ARID5B: variants seen among roughly 807,000 people sequenced by gnomAD.
ARID5B encodes the protein AT-rich interaction domain 5B.
ARID5B carries 13 observed loss-of-function variants against 97.2 expected under a neutral mutation model. That is an observed-to-expected ratio of 0.13 (90% CI 0.09 to 0.21). ARID5B has a LOEUF of 0.21. Among genes scored for constraint, ARID5B ranks in the 10% least tolerant of loss-of-function variants. ARID5B has a pLI of 1.00. For missense variants in ARID5B, 1,210 were observed against 1,465.3 expected (o/e 0.83, Z 2.84); for synonymous variants, 556 against 570.3 (o/e 0.97, Z 0.36).
chr10:62,000,328 C>CT lies in ARID5B; in HGVS notation c.733+20dup, dbSNP rs76962724. The CT allele has an allele frequency of 0.041, 51,989 of 1,264,600 alleles. 148 individuals are homozygous for CT. Among genetic ancestry groups the CT allele is most frequent in the African/African-American group, 0.1 (6,610 of 65,496 alleles). 78.3% of individuals were successfully genotyped at this position (1,264,600 alleles called of 1,614,324 possible). ...AGTATATGCGATGAGTTTGGTGAGT[C>CT]TTTTTTTTTTTTTCCTACCTGATTC... On this transcript the variant is annotated splice_region_variant and intron_variant, in intron 4 of 9. Transcript: ENST00000279873. The surrounding 1 kb of genome is among the most constrained non-coding windows in gnomAD (Gnocchi z 4.4).
At chr10:61,954,287 G>A (rs1187906589) in intron 3 of ARID5B, among the ~76,000 whole-genome samples, 1 of 152,078 alleles carries the variant, frequency 6.6e-6, no homozygotes. Context: ...AACCTGGGGG[G>A]TGGGGGTTGC....
Position 61,990,021 on chromosome 10 carries a change from T to C in ARID5B, c.503-10070T>C, listed in dbSNP as rs995134068. On this transcript the variant is annotated intron_variant, in intron 3 of 9. Transcript: ENST00000279873. ...ATGCATTAGGGAGTGGAGTAGTATCTAAGTTGAAGATCTGCCCCATCCCTA... is the reference window on the plus strand; with the variant it reads ...ATGCATTAGGGAGTGGAGTAGTATCCAAGTTGAAGATCTGCCCCATCCCTA... 2.0e-5 allele frequency among the ~76,000 whole-genome samples: 3 copies of C among 152,274 alleles called. No individual in the cohort carries two copies. In the East Asian group the frequency reaches 5.8e-4, roughly 29 times the overall value.
At chr10:62,048,409 A>G (rs977356202) in intron 4 of ARID5B, among the ~76,000 whole-genome samples, 1 of 152,206 alleles carries the variant, frequency 6.6e-6, no homozygotes, top group Non-Finnish European at 1.5e-5. Flanking sequence ...AGGGAAAAAA[A>G]GTTCAGAGGG....
chr10:61,943,342 G>A (rs1844445676), intron 3 of ARID5B, among the ~76,000 whole-genome samples: 1 of 152,026 alleles, frequency 6.6e-6, no homozygotes, highest in Non-Finnish European at 1.5e-5. Context: ...TGGTCACACT[G>A]AAACCACCTC....
chr10:62,093,172 G>T lies in ARID5B; in HGVS notation c.*142G>T, dbSNP rs1346922189. ...AGTCCCAGCTGTAGGGGCCCAGAGG[G>T]GAGGTGAACATGCCTGATTTTTGTG... On this transcript the variant is annotated 3_prime_UTR_variant, in exon 10 of 10. Transcript: ENST00000279873. 6 of 1,293,686 alleles carry T rather than the reference G, an allele frequency of 4.6e-6. No individual in the cohort carries two copies. Among genetic ancestry groups the T allele is most frequent in the Non-Finnish European group, 5.2e-6 (5 of 964,492 alleles). The allele number at this position is 1,293,686 out of a possible 1,614,324, so 80.1% of individuals were successfully genotyped here.
At chr10:61,994,641 G>A (rs922103345) in intron 3 of ARID5B, among the ~76,000 whole-genome samples, 2 of 152,112 alleles carry the variant, frequency 1.3e-5, no homozygotes, top group African/African-American at 4.8e-5. Context: ...CCAACTCTGA[G>A]GATTAAAGCA....
intron 2 of ARID5B, among the ~76,000 whole-genome samples, chr10:61,908,698 G>C (rs1843745229): frequency 2.7e-5 from 4 of 150,584 alleles, no homozygotes; most frequent in Non-Finnish European, 1.5e-5. Flanking sequence ...TACTTGGGAG[G>C]CTGAGGCAGG....
rs539810954 is a variant in ARID5B at position 62,030,318 on chromosome 10, TG to T, written c.734-20565del. Among the ~76,000 whole-genome samples the T allele has an allele frequency of 9.9e-5, 15 of 151,956 alleles. No homozygotes were observed. In the East Asian group the frequency reaches 2.9e-3, roughly 29 times the overall value. ...CTAATTTTTGTATTTTTAGTAGAGA[TG>T]GGGGTTTCACCATGTTGGCCAGGCT... On this transcript the variant is annotated intron_variant, in intron 4 of 9. Transcript: ENST00000279873.
At chr10:61,937,957 C>T (rs1186032506) in intron 2 of ARID5B, among the ~76,000 whole-genome samples, 2 of 152,110 alleles carry the variant, frequency 1.3e-5, no homozygotes, top group Non-Finnish European at 2.9e-5. Context: ...GTTGCAGGGC[C>T]AGTTTCTCTG....
chr10:61,954,720 C>T (rs1192433297), intron 3 of ARID5B, among the ~76,000 whole-genome samples: 1 of 152,052 alleles, frequency 6.6e-6, no homozygotes, highest in East Asian at 1.9e-4. Context: ...CTATTTATTC[C>T]ATAAGAAAGC....
At chr10:61,920,947 TCTATGGATAC>T (rs1257757371) in intron 2 of ARID5B, among the ~76,000 whole-genome samples, 4 of 152,200 alleles carry the variant, frequency 2.6e-5, no homozygotes, top group Admixed American at 6.5e-5. Flanking sequence ...CTTAGAAATT[TCTATGGATAC>T]CCCTCCAAAA....
At chr10:62,035,342 C>T (rs901790659) in intron 4 of ARID5B, among the ~76,000 whole-genome samples, 4 of 152,238 alleles carry the variant, frequency 2.6e-5, no homozygotes, top group East Asian at 3.9e-4. Context: ...GTTTAGTAAA[C>T]GTTTATTGAA....
intron 4 of ARID5B, among the ~76,000 whole-genome samples, chr10:62,002,257 G>A (rs1222810047): frequency 6.6e-6 from 1 of 152,182 alleles, no homozygotes. Context: ...TGGTTGTTAA[G>A]AGTTACTAAA....
At chr10:62,060,307 G>C (rs1241334045) in intron 7 of ARID5B, among the ~76,000 whole-genome samples, 3 of 152,146 alleles carry the variant, frequency 2.0e-5, no homozygotes, top group Non-Finnish European at 2.9e-5. Flanking sequence ...AAGAGGACAA[G>C]CATTATGTGG....
Position 61,902,287 on chromosome 10 carries a change from T to A in ARID5B, c.150T>A (p.Asp50Glu). Residue 50 changes from aspartate to glutamate, a missense_variant, in exon 2 of 10, where the codon GAT becomes GAA. By Grantham distance (45) the Asp-to-Glu change is conservative. Around this residue, in one of 8 missense-constraint regions of ARID5B, gnomAD observed 80 missense variants for 133.2 expected, o/e 0.60. Coordinates refer to ENST00000279873, the MANE Select transcript of ARID5B (RefSeq NM_032199.3). ...TCTTTGTAAGATGTACGCCAAAGGATCCGATTTGCATAGCGGAGCTCCAGC... is the reference window on the plus strand; with the variant it reads ...TCTTTGTAAGATGTACGCCAAAGGAACCGATTTGCATAGCGGAGCTCCAGC... ...DFFFVRCTPKDPICIAELQLL... is the reference protein window; with the variant it reads ...DFFFVRCTPKEPICIAELQLL... The A allele has an allele frequency of 6.2e-7, 1 of 1,614,136 alleles. No individual in the cohort carries two copies. The highest frequency in any genetic ancestry group is 8.5e-7 in the Non-Finnish European group (1 of 1,180,030).
chr10:61,951,151 A>T (rs991538044), intron 3 of ARID5B, among the ~76,000 whole-genome samples: 2 of 152,244 alleles, frequency 1.3e-5, no homozygotes, highest in Admixed American at 6.5e-5. Flanking sequence ...CTGCAGAGGA[A>T]AGCTGAGGTT....
intron 2 of ARID5B, among the ~76,000 whole-genome samples, chr10:61,917,277 G>A (rs1354545698): frequency 6.6e-6 from 1 of 152,028 alleles, no homozygotes; most frequent in African/African-American, 2.4e-5. Flanking sequence ...TTTTTCAAGA[G>A]AAGCCAGAAA....
At chr10:61,977,516 C>T (rs529475780) in intron 3 of ARID5B, among the ~76,000 whole-genome samples, 79 of 152,266 alleles carry the variant, frequency 5.2e-4, no homozygotes, top group African/African-American at 1.8e-3. Flanking sequence ...CTCTCCAGCA[C>T]CTGTTGTTTC....
intron 3 of ARID5B, among the ~76,000 whole-genome samples, chr10:61,996,268 C>T (rs1188669267): frequency 2.0e-5 from 3 of 152,110 alleles, no homozygotes; most frequent in African/African-American, 7.2e-5. Flanking sequence ...ATTCTACAGT[C>T]TTACATCAAA....
Sources: gnomAD v4.1 joint callset for allele counts (sites outside exome capture counted in the v4.1 genomes callset) on GRCh38, gnomAD v4.1.1 for gene constraint, gnomAD v4.1.1 regional missense constraint, Gnocchi (gnomAD v3.1) non-coding constraint, MANE v1.5 for transcripts, NCBI Gene and HGNC (gene_info 2026-07-23, HGNC 2026-07-21) for gene names.